The following MBNL1 variants were observed in gnomAD, a reference collection of about 807,000 sequenced individuals.
MBNL1 encodes muscleblind-like protein 1.
In MBNL1, 8 loss-of-function variants were observed where a neutral mutation model predicts 42.2. The observed-to-expected ratio is 0.19, with a 90% CI of 0.11 to 0.34. MBNL1 has a LOEUF of 0.34. Ranked by LOEUF, MBNL1 falls within the 10% of genes least tolerant of loss-of-function variation. The probability of loss-of-function intolerance (pLI) is 1.00; values close to 1 mark genes in which losing one functional copy is unlikely to be tolerated. For synonymous variants in MBNL1, 169 were observed against 173.9 expected (o/e 0.97, Z 0.22); for missense variants, 309 against 495.3 (o/e 0.62, Z 3.57).
At position 152,299,557 on chromosome 3, in the gene MBNL1, A is replaced by G; in HGVS notation, c.-637A>G. The G allele has an allele frequency of 2.5e-6, 1 of 395,330 alleles. No individual in the cohort carries two copies. Among genetic ancestry groups the G allele is most frequent in the Non-Finnish European group, 4.5e-6 (1 of 224,286 alleles). The allele number at this position is 395,330 out of a possible 1,614,324, so 24.5% of individuals were successfully genotyped here. On this transcript the variant is annotated 5_prime_UTR_variant, in exon 2 of 10. The change creates a new upstream start codon in the 5' untranslated region. Transcript: ENST00000324210. ...CCCAGACACCCCCATTTCTACTTAT[A>G]ATCAAGAGAAAAGCTCTAAGTATCT...
intron 2 of MBNL1, among the ~76,000 whole-genome samples, chr3:152,310,737 A>T (rs912122232): frequency 6.6e-6 from 1 of 152,124 alleles, no homozygotes. Flanking sequence ...AACAATACAG[A>T]GTCTGAACCT....
At chr3:152,283,761 C>A (rs2049923901) in intron 1 of MBNL1, among the ~76,000 whole-genome samples, 1 of 152,220 alleles carries the variant, frequency 6.6e-6, no homozygotes, top group South Asian at 2.1e-4. Flanking sequence ...TCCATACAGA[C>A]CAGTTCTTCC....
Position 152,445,494 on chromosome 3 carries a change from C to A in MBNL1, c.762C>A (p.Val254=). Residue 254 remains valine (V), a synonymous_variant, in exon 5 of 10, where the codon GTC becomes GTA. Coordinates refer to ENST00000324210, the MANE Select transcript of MBNL1 (RefSeq NM_021038.5). ...AGATCAAGGCTGCCCAATACCAGGTCAACCAGGCTGCAGCTGCACAGGCTG... is the reference window on the plus strand; with the variant it reads ...AGATCAAGGCTGCCCAATACCAGGTAAACCAGGCTGCAGCTGCACAGGCTG... ...QAKIKAAQYQ[V]NQAAAAQAAA... is the part of the protein sequence containing the mutation. The A allele has an allele frequency of 1.2e-6, 2 of 1,602,156 alleles. No individual in the cohort carries two copies. The highest frequency in any genetic ancestry group is 2.2e-5 in the South Asian group (2 of 90,898).
At chr3:152,291,653 C>T (rs898634675) in intron 1 of MBNL1, among the ~76,000 whole-genome samples, 1 of 152,212 alleles carries the variant, frequency 6.6e-6, no homozygotes, top group African/African-American at 2.4e-5. Flanking sequence ...ACTAGTGTAA[C>T]CACTGCCTTC....
intron 1 of MBNL1, among the ~76,000 whole-genome samples, chr3:152,274,968 A>G (rs570533543): frequency 1.1e-4 from 17 of 152,322 alleles, no homozygotes; most frequent in African/African-American, 4.1e-4. Context: ...ATTATCAAAG[A>G]TATTTTCTTA....
At chr3:152,300,955 G>A (rs2060489584) in intron 2 of MBNL1, 1 of 980,066 alleles carries the variant, frequency 1.0e-6, no homozygotes, top group Admixed American at 6.2e-5. Context: ...CCTTACCTGA[G>A]GCACAAACTT....
chr3:152,445,662 C>A, intron 5 of MBNL1, 123 bp downstream of exon 5: 1 of 983,960 alleles, frequency 1.0e-6, no homozygotes, highest in Non-Finnish European at 1.5e-6. Context: ...TATGTTTGTT[C>A]AGGTATCCCA....
At chr3:152,331,303 C>A (rs1038859092) in intron 2 of MBNL1, among the ~76,000 whole-genome samples, 1 of 152,158 alleles carries the variant, frequency 6.6e-6, no homozygotes, top group Non-Finnish European at 1.5e-5. Context: ...GAAAGTCCTT[C>A]CTTTTCCTGG....
intron 8 of MBNL1, among the ~76,000 whole-genome samples, chr3:152,457,358 G>T (rs374465601): frequency 1.3e-5 from 2 of 152,192 alleles, no homozygotes; most frequent in African/African-American, 2.4e-5. Flanking sequence ...TCAAAAGAAT[G>T]AGTGTCAGAT....
At chr3:152,255,903 A>G (rs1459287489) in intron 2 of MBNL1, among the ~76,000 whole-genome samples, 1 of 152,202 alleles carries the variant, frequency 6.6e-6, no homozygotes, top group Non-Finnish European at 1.5e-5. Flanking sequence ...AAGGGCCAGA[A>G]TGAGCTTGGC....
At chr3:152,384,539 A>G (rs1560387547) in intron 2 of MBNL1, among the ~76,000 whole-genome samples, 1 of 152,144 alleles carries the variant, frequency 6.6e-6, no homozygotes, top group South Asian at 2.1e-4. Context: ...CTATAGAACA[A>G]CATATCTTAG....
chr3:152,291,920 G>A (rs2056224165), intron 1 of MBNL1, among the ~76,000 whole-genome samples: 1 of 152,128 alleles, frequency 6.6e-6, no homozygotes, highest in African/African-American at 2.4e-5. Flanking sequence ...GGGACCACAA[G>A]CACATGCCAT....
intron 4 of MBNL1, among the ~76,000 whole-genome samples, chr3:152,435,089 G>A (rs886452559): frequency 2.0e-5 from 3 of 151,718 alleles, no homozygotes; most frequent in Non-Finnish European, 2.9e-5. Context: ...ATTGCTTTTG[G>A]CATATTTGTC....
At chr3:152,360,284 TAAC>T (rs1341449633) in intron 2 of MBNL1, among the ~76,000 whole-genome samples, 1 of 152,084 alleles carries the variant, frequency 6.6e-6, no homozygotes, top group African/African-American at 2.4e-5. Flanking sequence ...AAACCAATCA[TAAC>T]AAAAGCCCCA....
At chr3:152,438,674 T>A (rs1170730881) in intron 4 of MBNL1, among the ~76,000 whole-genome samples, 1 of 152,238 alleles carries the variant, frequency 6.6e-6, no homozygotes, top group Non-Finnish European at 1.5e-5. Context: ...ATAATATTTT[T>A]CTGCCATGTG....
chr3:152,458,960 T>C (rs984872312), intron 8 of MBNL1: 9 of 191,540 alleles, frequency 4.7e-5, no homozygotes, highest in East Asian at 1.2e-4. Flanking sequence ...GGGGTGCGTG[T>C]GTGTGTGTGT....
At chr3:152,291,044 T>C (rs953809002) in intron 1 of MBNL1, among the ~76,000 whole-genome samples, 1 of 152,210 alleles carries the variant, frequency 6.6e-6, no homozygotes, top group Non-Finnish European at 1.5e-5. Context: ...TTAAATGATA[T>C]GGACAGATCA....
At chr3:152,246,286 G>A (rs558724659) in intron 2 of MBNL1, among the ~76,000 whole-genome samples, 1 of 152,202 alleles carries the variant, frequency 6.6e-6, no homozygotes, top group African/African-American at 2.4e-5. Context: ...GGTCATAAGT[G>A]TAATTCAGAA....
chr3:152,419,928 C>T (rs2098774345), intron 3 of MBNL1, among the ~76,000 whole-genome samples: 1 of 152,248 alleles, frequency 6.6e-6, no homozygotes, highest in South Asian at 2.1e-4. Context: ...GTGGGAGGGA[C>T]ATCCACCATA....
Sources: gnomAD v4.1 joint callset for allele counts (sites outside exome capture counted in the v4.1 genomes callset) on GRCh38, gnomAD v4.1.1 for gene constraint, MANE v1.5 for transcripts, NCBI Gene and HGNC (gene_info 2026-07-23, HGNC 2026-07-21) for gene names.